The following GUCY1A2 variants were observed in gnomAD, a reference collection of about 807,000 sequenced individuals.
GUCY1A2 encodes guanylate cyclase 1 soluble subunit alpha 2, also known as guanylate cyclase soluble subunit alpha-2.
In GUCY1A2, 27 loss-of-function variants were observed where a neutral mutation model predicts 63.5. That is an observed-to-expected ratio of 0.43 (90% CI 0.31 to 0.59). GUCY1A2 has a LOEUF of 0.59. Ranked by LOEUF, GUCY1A2 falls within the 20% of genes least tolerant of loss-of-function variation. The pLI is 0.11. For synonymous variants in GUCY1A2, 364 were observed against 343.5 expected, an observed-to-expected ratio of 1.06 and a Z score of -0.66; for missense variants, 768 against 913.3, an observed-to-expected ratio of 0.84 and a Z score of 2.05.
chr11:106,984,819 A>T (rs17653598), intron 2 of GUCY1A2, among the ~76,000 whole-genome samples: 2,096 of 152,304 alleles, frequency 0.014, 30 homozygotes, highest in South Asian at 0.047. Flanking sequence ...AGAAAGATTA[A>T]TTTGACATTC....
intron 1 of GUCY1A2, among the ~76,000 whole-genome samples, chr11:107,013,282 G>A (rs1423776830): frequency 6.6e-6 from 1 of 152,110 alleles, no homozygotes; most frequent in Non-Finnish European, 1.5e-5. Context: ...GAAACCTAGA[G>A]AAGCCTTGCC....
chr11:106,927,164 G>A (rs1230814708), intron 4 of GUCY1A2, among the ~76,000 whole-genome samples: 1 of 151,742 alleles, frequency 6.6e-6, no homozygotes, highest in Non-Finnish European at 1.5e-5. Context: ...ACACAGTTAG[G>A]AGATCGAGAC....
chr11:106,901,258 G>A (rs983089991), intron 4 of GUCY1A2, among the ~76,000 whole-genome samples: 1 of 152,148 alleles, frequency 6.6e-6, no homozygotes, highest in Non-Finnish European at 1.5e-5. Context: ...CTGTGAGAGT[G>A]CATCTATGTA....
intron 4 of GUCY1A2, among the ~76,000 whole-genome samples, chr11:106,836,701 A>G (rs1345440681): frequency 6.6e-6 from 1 of 151,970 alleles, no homozygotes. Context: ...TGAACTGCTC[A>G]TGCAGATCTG....
intron 7 of GUCY1A2, 31 bp downstream of exon 7, chr11:106,708,481 G>C (rs377097932): frequency 1.3e-6 from 2 of 1,580,600 alleles, no homozygotes; most frequent in Non-Finnish European, 1.7e-6. Flanking sequence ...CAAAGGCCAA[G>C]ACAGGAAGGA....
Position 106,687,746 on chromosome 11 carries a change from G to C in GUCY1A2, c.2002C>G (p.Arg668Gly). 6.2e-7 allele frequency: 1 copy of C among 1,604,726 alleles called. No homozygotes were observed. The highest frequency in any genetic ancestry group is 8.5e-7 in the Non-Finnish European group (1 of 1,171,460). The change falls in exon 8 of 8, where the codon CGA (arginine) becomes GGA (glycine). Residue 668 changes from arginine (R) to glycine (G), a missense_variant. Around this residue, in one of 3 missense-constraint regions of GUCY1A2, gnomAD observed 150 missense variants for 188.3 expected, o/e 0.80. Transcript: ENST00000526355. ...GGAATGAATGTGAAACTTTCTTCTC[G>C]TTTTAATAATCTAAGAAGAAAATAC... Reference protein sequence around the residue: ...VSPTTYQLLKREESFTFIPRS... With the variant: ...VSPTTYQLLKGEESFTFIPRS...
intron 6 of GUCY1A2, among the ~76,000 whole-genome samples, chr11:106,774,210 G>A (rs1864312894): frequency 6.6e-6 from 1 of 151,858 alleles, no homozygotes; most frequent in East Asian, 1.9e-4. Flanking sequence ...TCGGTTCACG[G>A]CAACCTCTGC....
chr11:106,687,811 A>G (rs1862555049), intron 7 of GUCY1A2, 55 bp from the exon 8 acceptor site: 5 of 1,190,242 alleles, frequency 4.2e-6, no homozygotes, highest in East Asian at 2.3e-5. Flanking sequence ...ATGTAAATAC[A>G]TGGACAGAAA....
chr11:106,739,574 G>A (rs1316297158), intron 6 of GUCY1A2, among the ~76,000 whole-genome samples: 1 of 152,192 alleles, frequency 6.6e-6, no homozygotes, highest in African/African-American at 2.4e-5. Context: ...GGGCAGCACA[G>A]GCCAGTGCCT....
chr11:107,016,488 G>A (rs939203704), intron 1 of GUCY1A2, among the ~76,000 whole-genome samples: 2 of 152,256 alleles, frequency 1.3e-5, no homozygotes, highest in Non-Finnish European at 2.9e-5. Context: ...GCAGGAATAA[G>A]GCAGTACTCC....
At chr11:106,829,818 C>T (rs1859026389) in intron 4 of GUCY1A2, among the ~76,000 whole-genome samples, 1 of 152,124 alleles carries the variant, frequency 6.6e-6, no homozygotes, top group Non-Finnish European at 1.5e-5. Flanking sequence ...TATTACCATG[C>T]CCTGTGACGT....
chr11:106,940,060 G>A lies in GUCY1A2; in HGVS notation c.606C>T (p.Gly202=). 1 of 1,613,618 alleles carries A rather than the reference G, an allele frequency of 6.2e-7. No homozygotes were observed. The highest frequency in any genetic ancestry group is 8.5e-7 in the Non-Finnish European group (1 of 1,179,576). Residue 202 remains glycine, a synonymous_variant, in exon 4 of 8, where the codon GGC becomes GGT. Transcript: ENST00000526355. The stretch of plus-strand genomic sequence containing the variant: ...TAATGTGTTCCAACAAAGCATCAAA[G>A]CCGTTAAAAAAGTCCTGCAAAGTGC... ...VGGTLQDFFN[G]FDALLEHIRT... is the part of the protein sequence containing the mutation.
chr11:106,791,568 T>C (rs956922506), intron 5 of GUCY1A2, among the ~76,000 whole-genome samples: 7 of 152,166 alleles, frequency 4.6e-5, no homozygotes, highest in African/African-American at 1.7e-4. Flanking sequence ...TGTTCTTCCA[T>C]CTTGATCCAC....
intron 4 of GUCY1A2, 65 bp from the exon 5 acceptor site, chr11:106,810,543 A>G (rs1376130550): frequency 3.0e-6 from 4 of 1,322,648 alleles, no homozygotes; most frequent in Admixed American, 4.6e-5. Context: ...AATTTAATAT[A>G]TTATCTGATG....
intron 4 of GUCY1A2, among the ~76,000 whole-genome samples, chr11:106,869,209 A>G (rs1859638697): frequency 2.6e-5 from 4 of 152,168 alleles, no homozygotes; most frequent in Admixed American, 2.6e-4. Flanking sequence ...CAAGGACTTC[A>G]TGTCTAAAAC....
chr11:106,903,542 T>C (rs1860162899), intron 4 of GUCY1A2, among the ~76,000 whole-genome samples: 1 of 152,172 alleles, frequency 6.6e-6, no homozygotes, highest in South Asian at 2.1e-4. Flanking sequence ...CCTGGTTGAA[T>C]CTGTAGCTAA....
intron 4 of GUCY1A2, among the ~76,000 whole-genome samples, chr11:106,842,532 G>T (rs1274153960): frequency 2.6e-5 from 4 of 151,950 alleles, no homozygotes; most frequent in African/African-American, 4.8e-5. Context: ...ACTATTTCTT[G>T]TTCTTCTTGC....
At chr11:106,915,473 G>A (rs921618017) in intron 4 of GUCY1A2, among the ~76,000 whole-genome samples, 3 of 152,120 alleles carry the variant, frequency 2.0e-5, no homozygotes, top group South Asian at 2.1e-4. Flanking sequence ...ACTAAAAAAC[G>A]ACAACACATG....
At chr11:106,924,148 T>C (rs912368365) in intron 4 of GUCY1A2, among the ~76,000 whole-genome samples, 1 of 152,198 alleles carries the variant, frequency 6.6e-6, no homozygotes, top group Non-Finnish European at 1.5e-5. Context: ...AATTACAAAT[T>C]GTCAGTAGTA....
Sources: allele counts gnomAD v4.1 joint callset (sites outside exome capture counted in the v4.1 genomes callset), GRCh38; gene constraint gnomAD v4.1.1; regional missense constraint gnomAD v4.1.1; transcripts MANE v1.5; gene names NCBI Gene and HGNC (gene_info 2026-07-23, HGNC 2026-07-21).